The following SH3TC2 variants were observed in gnomAD, a reference collection of about 807,000 sequenced individuals.
The protein encoded by SH3TC2 is SH3 domain and tetratricopeptide repeat-containing protein 2.
Under a neutral mutation model 124.5 loss-of-function variants are expected in SH3TC2, and 87 were observed. The observed-to-expected ratio is 0.70, with a 90% confidence interval of 0.59 to 0.84. The LOEUF is 0.84. Among genes scored for constraint, SH3TC2 ranks in the 40% least tolerant of loss-of-function variants. The pLI, the probability that SH3TC2 is intolerant of heterozygous loss-of-function variation, is 0.00. For missense variants in SH3TC2, 1,536 were observed against 1,566.4 expected (o/e 0.98, Z 0.33); for synonymous variants, 634 against 628.5 (o/e 1.01, Z -0.13).
In SH3TC2 at chr5:148,987,975, A is replaced by G. The variant is rs138554026; in HGVS notation, c.*16736T>C. Among the ~76,000 whole-genome samples, 772 of 152,224 alleles carry G rather than the reference A, an allele frequency of 5.1e-3. 10 individuals carry two copies. The highest frequency in any genetic ancestry group is 0.018 in the African/African-American group (730 of 41,520). ...ACTTTGGCCACTTCTCCAGATACCC[A>G]CAAGGAAGTGCCGAGAATGCTGTTG... On this transcript the variant is annotated 3_prime_UTR_variant, in exon 17 of 17. Transcript: ENST00000515425.
rs1293840311 is a variant in SH3TC2, at chr5:148,989,683, T to C, written c.*15028A>G. Among the ~76,000 whole-genome samples, 1 of 152,206 alleles carries C rather than the reference T, an allele frequency of 6.6e-6. No individual in the cohort carries two copies. Among genetic ancestry groups the C allele is most frequent in the Non-Finnish European group, 1.5e-5 (1 of 68,038 alleles). On this transcript the variant is annotated 3_prime_UTR_variant, in exon 17 of 17. Coordinates refer to ENST00000515425, the MANE Select transcript of SH3TC2 (RefSeq NM_024577.4). ...CTGATAATAAAACAGTCTGATAAAATCTTATGCCATTCTTCCAGAACATGA... is the reference window on the plus strand; with the variant it reads ...CTGATAATAAAACAGTCTGATAAAACCTTATGCCATTCTTCCAGAACATGA...
In SH3TC2 at chr5:149,012,706, T is replaced by G. The variant is rs1383835183; in HGVS notation, c.3082A>C (p.Lys1028Gln). The G allele has an allele frequency of 6.2e-7, 1 of 1,614,144 alleles. No homozygotes were observed. Among genetic ancestry groups the G allele is most frequent in the African/African-American group, 1.3e-5 (1 of 75,032 alleles). ...TCAATGAAGATACGCAGGCTCTCCT[T>G]GATGCATGTGAGTGACCTCCTGAGG... The part of the protein sequence containing the change: ...RSLRRSLTCI[K>Q]ESLRIFIDLG... The change falls in exon 13 of 17, where the codon AAG (lysine) becomes CAG (glutamine). Residue 1028 changes from lysine (K) to glutamine (Q), a missense_variant. Lys to Gln is a moderately conservative substitution (Grantham distance 53, BLOSUM62 1). This residue lies in a region of SH3TC2 where 426 missense variants were observed against 443.5 expected (regional missense o/e 0.96). Coordinates refer to ENST00000515425, the MANE Select transcript of SH3TC2 (RefSeq NM_024577.4).
intron 8 of SH3TC2, among the ~76,000 whole-genome samples, chr5:149,034,042 A>C (rs1366923884): frequency 6.6e-6 from 1 of 152,240 alleles, no homozygotes; most frequent in Non-Finnish European, 1.5e-5. Context: ...AACACTACAA[A>C]AAACTAGAAA....
chr5:149,020,392 AG>A (rs1263908898), intron 12 of SH3TC2, among the ~76,000 whole-genome samples: 2 of 152,234 alleles, frequency 1.3e-5, no homozygotes, highest in Non-Finnish European at 2.9e-5. Flanking sequence ...TTAACACAAA[AG>A]AATGCAGTAA....
In SH3TC2 at chr5:148,982,206, C is replaced by A. The variant is rs1034634583; in HGVS notation, c.*22505G>T. 3.3e-5 allele frequency among the ~76,000 whole-genome samples: 5 copies of A among 151,830 alleles called. No individual in the cohort carries two copies. The highest frequency in any genetic ancestry group is 7.4e-5 in the Non-Finnish European group (5 of 67,998). ...AAATTTTAAAACATTGAGATACCAC[C>A]TCACAACTATTAAACACTCAAAGAC... On this transcript the variant is annotated 3_prime_UTR_variant, in exon 17 of 17. Coordinates refer to ENST00000515425, the MANE Select transcript of SH3TC2 (RefSeq NM_024577.4).
intron 1 of SH3TC2, among the ~76,000 whole-genome samples, chr5:149,058,776 T>C (rs1754696128): frequency 6.6e-6 from 1 of 152,034 alleles, no homozygotes. Flanking sequence ...AGGTTCAAGA[T>C]GGCAGAGCAC....
rs150039224 is a variant in SH3TC2 at position 148,984,891 on chromosome 5, C to T, written c.*19820G>A. Among the ~76,000 whole-genome samples the T allele has an allele frequency of 6.6e-6, 1 of 152,198 alleles. No individual in the cohort carries two copies. The highest frequency in any genetic ancestry group is 1.9e-4 in the East Asian group (1 of 5,184). Reference sequence around the variant, plus strand: ...GTAATCTGCAAATAGTCAAAGTGAGCAATGATGCCAAAAAGCATAATGGGT... The same window carrying T: ...GTAATCTGCAAATAGTCAAAGTGAGTAATGATGCCAAAAAGCATAATGGGT... On this transcript the variant is annotated 3_prime_UTR_variant, in exon 17 of 17. Coordinates refer to ENST00000515425, the MANE Select transcript of SH3TC2 (RefSeq NM_024577.4).
intron 1 of SH3TC2, among the ~76,000 whole-genome samples, chr5:149,052,827 TG>T (rs1754581520): frequency 6.6e-6 from 1 of 152,106 alleles, no homozygotes; most frequent in Non-Finnish European, 1.5e-5. Flanking sequence ...AGGCTAGGGC[TG>T]GGGAGGAGGA....
chr5:149,036,824 T>C (rs1754290574), intron 8 of SH3TC2, among the ~76,000 whole-genome samples: 1 of 152,146 alleles, frequency 6.6e-6, no homozygotes, highest in Admixed American at 6.5e-5. Context: ...CAGGTGTCCA[T>C]ATTTGTAAAG....
At chr5:149,050,956 A>G (rs1754545879) in intron 2 of SH3TC2, among the ~76,000 whole-genome samples, 1 of 152,210 alleles carries the variant, frequency 6.6e-6, no homozygotes, top group Non-Finnish European at 1.5e-5. Flanking sequence ...CCTCGCTGAC[A>G]TTCTGTTTCT....
chr5:149,026,454 T>C, intron 12 of SH3TC2, 118 bp downstream of exon 12: 5 of 1,294,540 alleles, frequency 3.9e-6, no homozygotes, highest in South Asian at 1.2e-5. Context: ...GCCCTTGCTC[T>C]TTTGCACAAA....
In SH3TC2 at chr5:149,041,609, A is replaced by G; in HGVS notation, c.538T>C (p.Phe180Leu). ...GTCACGGAGCACAGGGCTCTGCAGA[A>G]GAAGTGGCCTGTGGATAATGAGAAA... ...LGLLIQEGHF[F>L]CRALCSVTPP... Residue 180 changes from phenylalanine to leucine, a missense_variant, in exon 6 of 17, where the codon TTC (phenylalanine) becomes CTC (leucine). Around this residue, in one of 3 missense-constraint regions of SH3TC2, gnomAD observed 1,102 missense variants for 1,098.6 expected, o/e 1.00. Coordinates refer to ENST00000515425, the MANE Select transcript of SH3TC2 (RefSeq NM_024577.4). The G allele has an allele frequency of 5.6e-6, 9 of 1,614,202 alleles. No homozygotes were observed. Among genetic ancestry groups the G allele is most frequent in the Non-Finnish European group, 7.6e-6 (9 of 1,180,030 alleles).
Position 149,027,736 on chromosome 5 carries a change from G to A in SH3TC2, c.1996C>T (p.Pro666Ser), listed in dbSNP as rs780523281. Residue 666 changes from proline to serine, a missense_variant, in exon 11 of 17, where the codon CCT (proline) becomes TCT (serine). Physicochemically the swap from Pro to Ser is moderately conservative, Grantham distance 74 (BLOSUM62 -1). This residue lies in a region of SH3TC2 where 1,102 missense variants were observed against 1,098.6 expected (regional missense o/e 1.00). Transcript: ENST00000515425. ...CTGGCCACAGCCTCAGAGGCAGGAG[G>A]GTGTCCAGAGAGGAGCTGCAGGCGC... is the stretch of plus-strand genomic sequence containing the variant. ...AERLQLLSGHPPASEAVASVL... is the reference protein window; with the variant it reads ...AERLQLLSGHSPASEAVASVL... 6.8e-6 allele frequency: 11 copies of A among 1,613,976 alleles called. No individual in the cohort carries two copies. In the East Asian group the frequency reaches 2.0e-4, roughly 29 times the overall value.
chr5:149,016,106 GTATGTACT>G (rs1184296873), intron 12 of SH3TC2, among the ~76,000 whole-genome samples: 42 of 152,252 alleles, frequency 2.8e-4, no homozygotes, highest in African/African-American at 9.6e-4. Context: ...TGAGCACTTA[GTATGTACT>G]AGGTGCTTTA....
At chr5:149,019,567 A>T (rs1257365474) in intron 12 of SH3TC2, among the ~76,000 whole-genome samples, 2 of 152,194 alleles carry the variant, frequency 1.3e-5, no homozygotes, top group African/African-American at 2.4e-5. Flanking sequence ...TAAAAATCCT[A>T]ATCTAGATCA....
In SH3TC2 at chr5:148,999,607, A is replaced by G. The variant is rs1397376126; in HGVS notation, c.*5104T>C. On this transcript the variant is annotated 3_prime_UTR_variant, in exon 17 of 17. Transcript: ENST00000515425. ...AAACCGTCATAGACCAGAGATGCAT[A>G]GGGAAATATGGCAACTAAATCCAAT... Among the ~76,000 whole-genome samples, 1 of 152,242 alleles carries G rather than the reference A, an allele frequency of 6.6e-6. No individual in the cohort carries two copies. Among genetic ancestry groups the G allele is most frequent in the Non-Finnish European group, 1.5e-5 (1 of 68,036 alleles).
chr5:149,016,695 G>A (rs1580893803), intron 12 of SH3TC2, among the ~76,000 whole-genome samples: 4 of 152,250 alleles, frequency 2.6e-5, no homozygotes, highest in Admixed American at 1.3e-4. Flanking sequence ...GAAGGCCGAG[G>A]CGGGCGGATC....
intron 12 of SH3TC2, among the ~76,000 whole-genome samples, chr5:149,020,745 T>C (rs922704938): frequency 2.0e-5 from 3 of 152,062 alleles, no homozygotes; most frequent in Admixed American, 6.6e-5. Flanking sequence ...ACTCAATCCA[T>C]CAGAAAGGCA....
intron 1 of SH3TC2, chr5:149,057,709 T>C (rs1754675697): frequency 1.3e-5 from 2 of 152,226 alleles, no homozygotes; most frequent in Admixed American, 1.3e-4. Context: ...TTTCTAACAC[T>C]GAAGGCAGGT....
Sources: allele counts gnomAD v4.1 joint callset (sites outside exome capture counted in the v4.1 genomes callset), GRCh38; gene constraint gnomAD v4.1.1; regional missense constraint gnomAD v4.1.1; transcripts MANE v1.5; gene names NCBI Gene and HGNC (gene_info 2026-07-23, HGNC 2026-07-21).